MYOM2: variants seen among roughly 807,000 people sequenced by gnomAD.
MYOM2 encodes myomesin 2.
In MYOM2, 254 loss-of-function variants were observed where a neutral mutation model predicts 187.6. The ratio of observed to expected loss-of-function variants is 1.35; its 90% CI spans 1.22 to 1.50. The LOEUF (loss-of-function observed/expected upper bound fraction) is 1.50. Ranked by LOEUF, MYOM2 falls within the 40% of genes most tolerant of loss-of-function variation. MYOM2 has a pLI of 0.00. For synonymous variants in MYOM2, 981 were observed against 753.8 expected, an observed-to-expected ratio of 1.30 and a Z score of -4.94; for missense variants, 2,796 against 1,924.0, an observed-to-expected ratio of 1.45 and a Z score of -8.48.
Position 2,057,631 on chromosome 8 carries a change from C to G in MYOM2, c.411C>G (p.Asp137Glu). The change falls in exon 5 of 37, where the codon GAC (aspartate) becomes GAG (glutamate). Residue 137 changes from aspartate to glutamate, a missense_variant. Transcript: ENST00000262113. ...CTTGCTTCTCGGGGCAGATGGAGGA[C>G]AAGCTGGCCTGGGAGAGACACACAT... ...DKYAIQQMME[D>E]KLAWERHTFE... 2 of 1,614,032 alleles carry G rather than the reference C, an allele frequency of 1.2e-6. No homozygotes were observed. Among genetic ancestry groups the G allele is most frequent in the Middle Eastern group, 1.6e-4 (1 of 6,062 alleles).
chr8:2,048,901 T>G (rs1178408036), intron 1 of MYOM2, among the ~76,000 whole-genome samples: 1 of 152,018 alleles, frequency 6.6e-6, no homozygotes, highest in Middle Eastern at 3.2e-3. Flanking sequence ...GCCATTCTCC[T>G]GCCTCAGCCT....
At position 2,130,414 on chromosome 8, in the gene MYOM2, C is replaced by T. The variant is rs1057152886; in HGVS notation, c.3800+1182C>T. 3.3e-5 allele frequency among the ~76,000 whole-genome samples: 4 copies of T among 122,974 alleles called. 1 individual carries two copies. Among genetic ancestry groups the T allele is most frequent in the Non-Finnish European group, 4.7e-5 (3 of 63,476 alleles). 80.7% of individuals were successfully genotyped at this position (122,974 alleles called of 152,430 possible). A position where few individuals can be genotyped will look rare whatever the true frequency, so the allele number is the denominator to read the frequency against. On this transcript the variant is annotated intron_variant, in intron 32 of 36. Coordinates refer to ENST00000262113, the MANE Select transcript of MYOM2 (RefSeq NM_003970.4). ...GCCCACACCCCGCCTTTAGTTAACG[C>T]CCATCAGTACGCTATACCCAGGGCG...
intron 31 of MYOM2, among the ~76,000 whole-genome samples, chr8:2,128,522 TCTC>T (rs1006901019): frequency 8.5e-5 from 13 of 152,202 alleles, no homozygotes; most frequent in African/African-American, 3.1e-4. Context: ...TTCCTTATCT[TCTC>T]CTTTCTGACC....
chr8:2,074,844 C>T (rs1819362169), intron 10 of MYOM2, among the ~76,000 whole-genome samples: 1 of 152,212 alleles, frequency 6.6e-6, no homozygotes, highest in Admixed American at 6.5e-5. Flanking sequence ...TTAGGGGCAG[C>T]CTCCTTGCTG....
At position 2,144,784 on chromosome 8, in the gene MYOM2, G is replaced by C. The variant is rs781627298; in HGVS notation, c.4201G>C (p.Val1401Leu). Reference protein sequence around the residue: ...FSVKVEQAKYVSMTIKGVTSE... With the variant: ...FSVKVEQAKYLSMTIKGVTSE... ...GGTGAAGGTGGAGCAGGCCAAGTACGTCAGCATGACCATCAAAGGCGTGAC... is the reference window on the plus strand; with the variant it reads ...GGTGAAGGTGGAGCAGGCCAAGTACCTCAGCATGACCATCAAAGGCGTGAC... Residue 1401 changes from valine (V) to leucine (L), a missense_variant, in exon 37 of 37, where the codon GTC (valine) becomes CTC (leucine). Physicochemically the swap from Val to Leu is conservative, Grantham distance 32 (BLOSUM62 1). Coordinates refer to ENST00000262113, the MANE Select transcript of MYOM2 (RefSeq NM_003970.4). The C allele has an allele frequency of 1.5e-5, 25 of 1,614,192 alleles. No individual in the cohort carries two copies. The highest frequency in any genetic ancestry group is 2.2e-5 in the East Asian group (1 of 44,870).
intron 16 of MYOM2, among the ~76,000 whole-genome samples, chr8:2,093,652 G>A (rs531225440): frequency 6.6e-6 from 1 of 152,098 alleles, no homozygotes; most frequent in Admixed American, 6.5e-5. Context: ...TTACATACAC[G>A]GGTTCTTTTA....
rs902220740 is a variant in MYOM2 at position 2,145,081 on chromosome 8, G to A, written c.*100G>A. 5 of 1,298,368 alleles carry A rather than the reference G, an allele frequency of 3.9e-6. No homozygotes were observed. Among genetic ancestry groups the A allele is most frequent in the Non-Finnish European group, 4.3e-6 (4 of 933,976 alleles). The allele number at this position is 1,298,368 out of a possible 1,614,324, so 80.4% of individuals were successfully genotyped here. On this transcript the variant is annotated 3_prime_UTR_variant, in exon 37 of 37. Transcript: ENST00000262113. ...GCAGCTGGCATCCGAGTGGTGTCCT[G>A]TGTGGGCTGATAGTTGATCACACAT...
Position 2,085,368 on chromosome 8 carries a change from C to T in MYOM2, c.1622C>T (p.Pro541Leu), listed in dbSNP as rs144063996. 1,881 of 1,612,936 alleles carry T rather than the reference C, an allele frequency of 1.2e-3. 3 individuals are homozygous for T. The highest frequency in any genetic ancestry group is 1.5e-3 in the Middle Eastern group (9 of 6,060). ...WEPPTPRGKD[P>L]LMYFIEKSVV... is the part of the protein sequence containing the mutation. The stretch of plus-strand genomic sequence containing the variant: ...CCACCCACTCCCCGTGGCAAGGACC[C>T]GCTCATGTACTTCATTGAGAAGGTA... The change falls in exon 14 of 37, where the codon CCG (proline) becomes CTG (leucine). Residue 541 changes from proline (P) to leucine (L), a missense_variant. Pro to Leu is a moderately conservative substitution (Grantham distance 98). Coordinates refer to ENST00000262113, the MANE Select transcript of MYOM2 (RefSeq NM_003970.4).
At chr8:2,062,094 G>A (rs1408908679) in intron 6 of MYOM2, among the ~76,000 whole-genome samples, 1 of 152,204 alleles carries the variant, frequency 6.6e-6, no homozygotes, top group African/African-American at 2.4e-5. Flanking sequence ...GGAGTGGGTG[G>A]GCCCCCTGGC....
chr8:2,076,411 T>G (rs945883289), intron 11 of MYOM2, 129 bp downstream of exon 11: 41 of 1,197,388 alleles, frequency 3.4e-5, no homozygotes, highest in Non-Finnish European at 1.1e-6. Context: ...GGTACATGGC[T>G]AATTGGTTGT....
At chr8:2,127,934 A>C (rs1185480288) in intron 31 of MYOM2, 6 of 152,370 alleles carry the variant, frequency 3.9e-5, no homozygotes, top group African/African-American at 1.4e-4. Context: ...GAAAACAAAG[A>C]GCTTCACCAT....
At chr8:2,121,733 G>T (rs370551104) in intron 28 of MYOM2, among the ~76,000 whole-genome samples, 2 of 152,082 alleles carry the variant, frequency 1.3e-5, no homozygotes. Context: ...CAGACACAGA[G>T]AAACCACAAT....
At position 2,143,844 on chromosome 8, in the gene MYOM2, C is replaced by T. The variant is rs114687960; in HGVS notation, c.4080+388C>T. Among the ~76,000 whole-genome samples, 662 of 152,302 alleles carry T rather than the reference C, an allele frequency of 4.3e-3. 7 individuals carry two copies. Among genetic ancestry groups the T allele is most frequent in the African/African-American group, 0.016 (645 of 41,556 alleles). ...CTGCGTGTGTGAAGGTGCAAGCCCC[C>T]TGCTTCCAGTGTGAAACAGCACAGC... On this transcript the variant is annotated intron_variant, in intron 36 of 36. Coordinates refer to ENST00000262113, the MANE Select transcript of MYOM2 (RefSeq NM_003970.4).
chr8:2,063,481 C>A (rs1818915449), intron 6 of MYOM2, among the ~76,000 whole-genome samples: 1 of 152,086 alleles, frequency 6.6e-6, no homozygotes, highest in African/African-American at 2.4e-5. Flanking sequence ...TGATGTGAGC[C>A]CTCATTCTTC....
chr8:2,106,489 A>T lies in MYOM2; in HGVS notation c.2892-2A>T. 1 of 1,610,932 alleles carries T rather than the reference A, an allele frequency of 6.2e-7. No homozygotes were observed. Among genetic ancestry groups the T allele is most frequent in the Middle Eastern group, 1.7e-4 (1 of 6,050 alleles). ...CATTCACCTACTCTTCTTCCTTTTT[A>T]GCTCCAAGCTGTACTTAAAGAATCC... On this transcript the variant is annotated splice_acceptor_variant, in intron 22 of 36. Transcript: ENST00000262113. LOFTEE classifies it high-confidence loss of function.
intron 13 of MYOM2, among the ~76,000 whole-genome samples, chr8:2,082,411 C>G (rs760733032): frequency 6.6e-6 from 1 of 151,916 alleles, no homozygotes; most frequent in Non-Finnish European, 1.5e-5. Context: ...TTTTCTTTTA[C>G]CATTGCTTTA....
intron 4 of MYOM2, 22 bp from the exon 5 acceptor site, chr8:2,057,601 C>T (rs1056691076): frequency 2.1e-5 from 34 of 1,613,594 alleles, no homozygotes; most frequent in Non-Finnish European, 2.8e-5. Flanking sequence ...GGGAACCTGA[C>T]CATCCTTGCT....
chr8:2,134,350 G>A (rs1241425782), intron 32 of MYOM2, among the ~76,000 whole-genome samples: 1 of 152,148 alleles, frequency 6.6e-6, no homozygotes, highest in Non-Finnish European at 1.5e-5. Context: ...CCATGATTGG[G>A]TTGGTGACTC....
At chr8:2,055,477 C>G (rs1818632939) in intron 3 of MYOM2, among the ~76,000 whole-genome samples, 1 of 152,162 alleles carries the variant, frequency 6.6e-6, no homozygotes, top group Non-Finnish European at 1.5e-5. Context: ...ACAGACTGTT[C>G]CCTAAACATT....
Sources: gnomAD v4.1 joint callset for allele counts (sites outside exome capture counted in the v4.1 genomes callset) on GRCh38, gnomAD v4.1.1 for gene constraint, MANE v1.5 for transcripts, NCBI Gene and HGNC (gene_info 2026-07-23, HGNC 2026-07-21) for gene names.